RARB: variants seen among roughly 807,000 people sequenced by gnomAD.
The protein encoded by RARB is retinoic acid receptor beta, also known as HBV-activated protein.
In RARB, 17 loss-of-function variants were observed where a neutral mutation model predicts 51.9. The observed-to-expected ratio is 0.33, with a 90% CI of 0.22 to 0.49. The LOEUF (loss-of-function observed/expected upper bound fraction) is 0.49. RARB is among the 20% of genes least tolerant of loss of function. The pLI is 0.99. For synonymous variants in RARB, 215 were observed against 195.4 expected, an observed-to-expected ratio of 1.10 and a Z score of -0.84; for missense variants, 369 against 550.8, an observed-to-expected ratio of 0.67 and a Z score of 3.30.
Position 25,228,594 on chromosome 3 carries a change from A to ATTT in RARB, c.178+54019_178+54020insTTT, listed in dbSNP as rs113106572. 6.0e-3 allele frequency among the ~76,000 whole-genome samples: 916 copies of ATTT among 151,902 alleles called. 16 individuals are homozygous for ATTT. The highest frequency in any genetic ancestry group is 0.02 in the African/African-American group (814 of 41,422). ...TAATCAGAGAGGAGTATTTGTCTGTAGTCCTTTTTATTTCCCATTCCCTGA... is the reference window on the plus strand; with the variant it reads ...TAATCAGAGAGGAGTATTTGTCTGTATTTGTCCTTTTTATTTCCCATTCCCTGA... On this transcript the variant is annotated intron_variant, in intron 5 of 11. Transcript: ENST00000383772.
chr3:25,350,464 G>C (rs191533096), intron 5 of RARB, among the ~76,000 whole-genome samples: 141 of 152,290 alleles, frequency 9.3e-4, no homozygotes, highest in Non-Finnish European at 1.7e-3. Flanking sequence ...TGTGTCTGCT[G>C]AATAGGCATC....
intron 2 of RARB, among the ~76,000 whole-genome samples, chr3:25,489,244 A>C (rs1054160659): frequency 2.0e-5 from 3 of 152,206 alleles, no homozygotes; most frequent in Non-Finnish European, 2.9e-5. Context: ...GTGCTGACAT[A>C]ATATAGCTAC....
At chr3:25,357,368 T>C (rs527858337) in intron 5 of RARB, among the ~76,000 whole-genome samples, 1 of 151,702 alleles carries the variant, frequency 6.6e-6, no homozygotes, top group South Asian at 2.1e-4. Context: ...GGTTGTTTTT[T>C]TCTTGTAAAT....
At chr3:25,202,305 T>C (rs896708346) in intron 5 of RARB, among the ~76,000 whole-genome samples, 4 of 152,166 alleles carry the variant, frequency 2.6e-5, no homozygotes, top group Admixed American at 6.5e-5. Flanking sequence ...TTTCATTGCG[T>C]CTATTTGATT....
At chr3:24,905,493 C>T (rs1011115838) in intron 2 of RARB, among the ~76,000 whole-genome samples, 1 of 152,206 alleles carries the variant, frequency 6.6e-6, no homozygotes, top group Non-Finnish European at 1.5e-5. Flanking sequence ...TCATTCCTCT[C>T]TACGGATGTC....
At chr3:24,932,664 A>C (rs1175814934) in intron 2 of RARB, among the ~76,000 whole-genome samples, 1 of 152,110 alleles carries the variant, frequency 6.6e-6, no homozygotes. Flanking sequence ...GATTTAGAAA[A>C]AACTGAGGGC....
chr3:25,011,177 C>G (rs1697386758), intron 2 of RARB, among the ~76,000 whole-genome samples: 1 of 152,044 alleles, frequency 6.6e-6, no homozygotes, highest in South Asian at 2.1e-4. Flanking sequence ...TTTTATGGAA[C>G]TTACATTCTA....
intron 5 of RARB, among the ~76,000 whole-genome samples, chr3:25,269,697 A>G (rs1255041062): frequency 6.6e-6 from 1 of 152,230 alleles, no homozygotes; most frequent in Admixed American, 6.5e-5. Flanking sequence ...CTCACTTAAC[A>G]GCTAATTTTA....
intron 3 of RARB, among the ~76,000 whole-genome samples, chr3:25,537,551 G>A (rs1268244659): frequency 6.6e-6 from 1 of 152,148 alleles, no homozygotes; most frequent in Admixed American, 6.5e-5. Flanking sequence ...CTGTTTTACT[G>A]TGGTGCCCTT....
chr3:25,480,704 T>C (rs1575444671), intron 2 of RARB, among the ~76,000 whole-genome samples: 1 of 152,186 alleles, frequency 6.6e-6, no homozygotes, highest in Admixed American at 6.5e-5. Context: ...TTAGAGTTAA[T>C]TTTTATTATT....
chr3:25,081,876 G>A (rs959907341), intron 3 of RARB, among the ~76,000 whole-genome samples: 47 of 151,008 alleles, frequency 3.1e-4, no homozygotes, highest in African/African-American at 9.0e-4. Flanking sequence ...CAGGTGATCC[G>A]CCTGCCTTGG....
chr3:25,028,105 T>C (rs1162815459), intron 2 of RARB, among the ~76,000 whole-genome samples: 1 of 152,220 alleles, frequency 6.6e-6, no homozygotes, highest in African/African-American at 2.4e-5. Flanking sequence ...CACCCCCACC[T>C]ACTTCACTTT....
intron 5 of RARB, among the ~76,000 whole-genome samples, chr3:25,305,122 G>C (rs1407978590): frequency 6.6e-6 from 1 of 152,086 alleles, no homozygotes; most frequent in African/African-American, 2.4e-5. Flanking sequence ...CCTGCCTCTG[G>C]ACGTAGGATA....
chr3:24,837,448 T>A (rs1221020603), intron 1 of RARB, among the ~76,000 whole-genome samples: 1 of 152,240 alleles, frequency 6.6e-6, no homozygotes, highest in African/African-American at 2.4e-5. Context: ...GTATTAAATG[T>A]TTCACTGTTA....
At chr3:25,520,924 G>T (rs949976937) in intron 3 of RARB, among the ~76,000 whole-genome samples, 1 of 152,192 alleles carries the variant, frequency 6.6e-6, no homozygotes, top group Non-Finnish European at 1.5e-5. Context: ...AACAGTAACT[G>T]CCTCTGTTTT....
At chr3:25,413,208 G>C (rs970469044) in intron 5 of RARB, among the ~76,000 whole-genome samples, 1 of 152,008 alleles carries the variant, frequency 6.6e-6, no homozygotes, top group African/African-American at 2.4e-5. Context: ...TTTGAACTTC[G>C]TATGAATAGA....
At chr3:25,135,567 G>A (rs1231668085) in intron 4 of RARB, among the ~76,000 whole-genome samples, 2 of 152,004 alleles carry the variant, frequency 1.3e-5, no homozygotes, top group Non-Finnish European at 2.9e-5. Context: ...CAGCAGGATA[G>A]GTTGAGCCAC....
chr3:24,928,074 C>T (rs560548513), intron 2 of RARB, among the ~76,000 whole-genome samples: 8 of 152,098 alleles, frequency 5.3e-5, no homozygotes, highest in Non-Finnish European at 1.2e-4. Context: ...TCAAAGTTAA[C>T]GTTTTCTGAG....
At chr3:25,118,499 T>C (rs116797248) in intron 3 of RARB, among the ~76,000 whole-genome samples, 33 of 152,304 alleles carry the variant, frequency 2.2e-4, no homozygotes, top group Non-Finnish European at 3.8e-4. Context: ...AGCAAAGATA[T>C]AGCTTTGGAG....
Sources: gnomAD v4.1 joint callset for allele counts (sites outside exome capture counted in the v4.1 genomes callset) on GRCh38, gnomAD v4.1.1 for gene constraint, MANE v1.5 for transcripts, NCBI Gene and HGNC (gene_info 2026-07-23, HGNC 2026-07-21) for gene names.